Variants in PAPLN observed in about 807,000 individuals in gnomAD.
PAPLN encodes the protein papilin, proteoglycan like sulfated glycoprotein, also known as papilin.
PAPLN carries 146 observed loss-of-function variants against 159.0 expected under a neutral mutation model. That is an observed-to-expected ratio of 0.92 (90% CI 0.80 to 1.05). The LOEUF (loss-of-function observed/expected upper bound fraction) is 1.05, where lower values mean the gene tolerates loss of function less well. Among genes scored for constraint, PAPLN ranks in the 50% least tolerant of loss-of-function variants. The probability of loss-of-function intolerance (pLI) is 0.00; values close to 1 mark genes in which losing one functional copy is unlikely to be tolerated. For missense variants in PAPLN, 1,720 were observed against 1,743.9 expected (o/e 0.99, Z 0.24); for synonymous variants, 734 against 702.9 (o/e 1.04, Z -0.70).
chr14:73,267,974 G>A (rs1482855048), intron 25 of PAPLN, among the ~76,000 whole-genome samples: 5 of 152,084 alleles, frequency 3.3e-5, no homozygotes, highest in East Asian at 1.9e-4. Context: ...CAGTGGGGCC[G>A]CATGTCAGCC....
intron 19 of PAPLN, chr14:73,263,339 C>T (rs1234665711): frequency 2.0e-6 from 1 of 509,670 alleles, no homozygotes; most frequent in Non-Finnish European, 3.5e-6. Flanking sequence ...AGTTTAGCCC[C>T]CACATGAACC....
intron 5 of PAPLN, chr14:73,246,812 A>T (rs1230996589): frequency 6.6e-6 from 1 of 151,812 alleles, no homozygotes; most frequent in Non-Finnish European, 1.5e-5. Flanking sequence ...CATACCAGCT[A>T]AGGGGGCAGG....
chr14:73,261,435 G>A (rs1886576795), intron 18 of PAPLN, 141 bp downstream of exon 18: 2 of 1,264,300 alleles, frequency 1.6e-6, no homozygotes, highest in Admixed American at 5.1e-5. Flanking sequence ...TGCCTGCTAG[G>A]TGCCAGGCCA....
rs150931921 is a variant in PAPLN, at chr14:73,268,613, C to A, written c.3557C>A (p.Thr1186Lys). The A allele has an allele frequency of 1.9e-6, 3 of 1,613,846 alleles. No homozygotes were observed. The highest frequency in any genetic ancestry group is 1.7e-6 in the Non-Finnish European group (2 of 1,179,952). The part of the protein sequence containing the change: ...GHRVHQSPDG[T>K]LLIYNLRARD... Reference sequence around the variant, plus strand: ...CGTGTCCACCAGTCCCCAGATGGCACGCTGCTCATTTACAACTTGCGGGCC... The same window carrying A: ...CGTGTCCACCAGTCCCCAGATGGCAAGCTGCTCATTTACAACTTGCGGGCC... Residue 1186 changes from threonine (T) to lysine (K), a missense_variant, in exon 26 of 27, where the codon ACG becomes AAG. Physicochemically the swap from Thr to Lys is moderately conservative, Grantham distance 78. Transcript: ENST00000644200.
chr14:73,244,758 A>G lies in PAPLN; in HGVS notation c.169A>G (p.Arg57Gly). 1.3e-6 allele frequency: 2 copies of G among 1,538,716 alleles called. No homozygotes were observed. The highest frequency in any genetic ancestry group is 2.4e-5 in the East Asian group (1 of 41,494). ...SFRERPCYSQ[R>G]RDGGSSCVGP... The stretch of plus-strand genomic sequence containing the variant: ...CCGGGAGCGCCCCTGCTACTCCCAG[A>G]GGTAGGAGAGATGAAAATGGGCCAG... The change falls in exon 3 of 27, where the codon AGG (arginine) becomes GGG (glycine). Residue 57 changes from arginine (R) to glycine (G), a missense_variant and splice_region_variant. Arg to Gly is a moderately radical substitution (Grantham distance 125, BLOSUM62 -2). Transcript: ENST00000644200.
intron 9 of PAPLN, 67 bp from the exon 10 acceptor site, chr14:73,251,951 G>A (rs1885318880): frequency 1.3e-6 from 2 of 1,557,226 alleles, no homozygotes; most frequent in East Asian, 4.5e-5. Context: ...GCAGGGGGCT[G>A]TGAGGCTGCG....
In PAPLN at chr14:73,259,077, T is replaced by TC. The variant is rs948295256; in HGVS notation, c.1708+23dup. 27 of 1,600,956 alleles carry TC rather than the reference T, an allele frequency of 1.7e-5. No homozygotes were observed. Among genetic ancestry groups the TC allele is most frequent in the African/African-American group, 9.4e-5 (7 of 74,410 alleles). On this transcript the variant is annotated intron_variant, in intron 15 of 26. Transcript: ENST00000644200. ...TGCCTCAGGTGAGAGCCTGGTCCCG[T>TC]CCCCCACTCAGAGCCCTGTAGTTTT...
rs202232672 is a variant in PAPLN at position 73,268,733 on chromosome 14, G to A, written c.3667+10G>A. On this transcript the variant is annotated intron_variant, in intron 26 of 26. Transcript: ENST00000644200. ...AAGGTGGTCTCACCAGGTAGGAAAG[G>A]TCTATATCCGGGGATGGGAAGGACA... 6.3e-7 allele frequency: 1 copy of A among 1,597,386 alleles called. No homozygotes were observed. Among genetic ancestry groups the A allele is most frequent in the Admixed American group, 1.7e-5 (1 of 58,422 alleles).
Position 73,254,376 on chromosome 14 carries a change from C to T in PAPLN, c.1303-137C>T, listed in dbSNP as rs945953666. Reference sequence around the variant, plus strand: ...GTGTGACCTCAGGGGAGTGAGTCAGCCTCTCTGGGCCTGGGAAGGACATGG... The same window carrying T: ...GTGTGACCTCAGGGGAGTGAGTCAGTCTCTCTGGGCCTGGGAAGGACATGG... On this transcript the variant is annotated intron_variant, in intron 12 of 26. Coordinates refer to ENST00000644200, the MANE Select transcript of PAPLN (RefSeq NM_001365906.3). 76 of 1,062,170 alleles carry T rather than the reference C, an allele frequency of 7.2e-5. No individual in the cohort carries two copies. The Middle Eastern group carries it at 1.8e-3, about 26-fold the overall frequency. The allele number at this position is 1,062,170 out of a possible 1,614,324, so 65.8% of individuals were successfully genotyped here.
Position 73,250,980 on chromosome 14 carries a change from C to T in PAPLN, c.539C>T (p.Thr180Met), listed in dbSNP as rs370335884. 79 of 1,613,502 alleles carry T rather than the reference C, an allele frequency of 4.9e-5. 1 individual carries two copies. The highest frequency in any genetic ancestry group is 4.1e-4 in the African/African-American group (31 of 74,932). Residue 180 changes from threonine to methionine, a missense_variant, in exon 7 of 27, where the codon ACG (threonine) becomes ATG (methionine). Transcript: ENST00000644200. ...TGTCTGCGGTGTGGGGGTGACGGCACGACCTGCTACCCCGTCGCAGGCACC... is the reference window on the plus strand; with the variant it reads ...TGTCTGCGGTGTGGGGGTGACGGCATGACCTGCTACCCCGTCGCAGGCACC... ...DKCLRCGGDG[T>M]TCYPVAGTFD...
intron 5 of PAPLN, among the ~76,000 whole-genome samples, chr14:73,247,522 G>GT (rs758574402): frequency 1.3e-5 from 2 of 150,330 alleles, no homozygotes; most frequent in African/African-American, 4.9e-5. Flanking sequence ...TCCTGTGTAT[G>GT]TGTGTGTGTG....
chr14:73,264,573 C>G lies in PAPLN; in HGVS notation c.2987-15C>G. 3 of 1,593,618 alleles carry G rather than the reference C, an allele frequency of 1.9e-6. No homozygotes were observed. The highest frequency in any genetic ancestry group is 2.6e-6 in the Non-Finnish European group (3 of 1,173,690). Reference sequence around the variant, plus strand: ...CCTCACAGCTCACACCTTGTTTCTCCTGGCCTCATGACAGGGGGTGACATG... The same window carrying G: ...CCTCACAGCTCACACCTTGTTTCTCGTGGCCTCATGACAGGGGGTGACATG... On this transcript the variant is annotated splice_polypyrimidine_tract_variant and intron_variant, in intron 21 of 26. Transcript: ENST00000644200.
chr14:73,259,027 T>G lies in PAPLN; in HGVS notation c.1676T>G (p.Met559Arg), dbSNP rs762152589. 2.6e-5 allele frequency: 42 copies of G among 1,611,942 alleles called. No individual in the cohort carries two copies. Among genetic ancestry groups the G allele is most frequent in the Non-Finnish European group, 3.4e-5 (40 of 1,179,198 alleles). ...CACACCCCTGCCAGCAACCCCTGGA[T>G]GCCGTTGGGCCCTCAGGAGTCCCCT... ...DVHTPASNPWMPLGPQESPAS... is the reference protein window; with the variant it reads ...DVHTPASNPWRPLGPQESPAS... The change falls in exon 15 of 27, where the codon ATG (methionine) becomes AGG (arginine). Residue 559 changes from methionine (M) to arginine (R), a missense_variant. Met to Arg is a moderately conservative substitution (Grantham distance 91, BLOSUM62 -1). Transcript: ENST00000644200.
At position 73,250,998 on chromosome 14, in the gene PAPLN, C is replaced by T. The variant is rs776818299; in HGVS notation, c.557C>T (p.Ala186Val). Residue 186 changes from alanine to valine, a missense_variant, in exon 7 of 27, where the codon GCA becomes GTA. Physicochemically the swap from Ala to Val is moderately conservative, Grantham distance 64. Transcript: ENST00000644200. ...GACGGCACGACCTGCTACCCCGTCG[C>T]AGGCACCTTTGACGCTAATGACCTC... is the stretch of plus-strand genomic sequence containing the variant. The part of the protein sequence containing the change: ...GGDGTTCYPV[A>V]GTFDANDLSR... 1 of 1,613,536 alleles carries T rather than the reference C, an allele frequency of 6.2e-7. No individual in the cohort carries two copies. Among genetic ancestry groups the T allele is most frequent in the South Asian group, 1.1e-5 (1 of 91,056 alleles).
intron 14 of PAPLN, among the ~76,000 whole-genome samples, chr14:73,255,567 C>T (rs1885812202): frequency 6.6e-6 from 1 of 151,908 alleles, no homozygotes; most frequent in South Asian, 2.1e-4. Context: ...AGGAGCCTCA[C>T]AAGCATGAGG....
rs1883328893 is a variant in PAPLN, at chr14:73,239,755, C to A, written c.-6-18C>A. On this transcript the variant is annotated intron_variant, in intron 1 of 26. Coordinates refer to ENST00000644200, the MANE Select transcript of PAPLN (RefSeq NM_001365906.3). Reference sequence around the variant, plus strand: ...TGCGGGAGCCCCGGGCCGCTCTAACCCAATGCGTCTCCCGCAGGCTGAGAT... The same window carrying A: ...TGCGGGAGCCCCGGGCCGCTCTAACACAATGCGTCTCCCGCAGGCTGAGAT... 2 of 1,579,754 alleles carry A rather than the reference C, an allele frequency of 1.3e-6. No homozygotes were observed. Among genetic ancestry groups the A allele is most frequent in the Non-Finnish European group, 1.7e-6 (2 of 1,169,764 alleles).
rs777386780 is a variant in PAPLN, at chr14:73,253,845, G to A, written c.1186G>A (p.Gly396Ser). 8.7e-6 allele frequency: 14 copies of A among 1,613,560 alleles called. No individual in the cohort carries two copies. The highest frequency in any genetic ancestry group is 4.4e-5 in the South Asian group (4 of 91,068). Residue 396 changes from glycine (G) to serine (S), a missense_variant, in exon 12 of 27, where the codon GGC becomes AGC. Transcript: ENST00000644200. ...GTACTGCATCTCGTCTGACGGGGCC[G>A]GCATCCAGGAGGCCGTGGAGGAGGC... Reference protein sequence around the residue: ...SVYCISSDGAGIQEAVEEAEC... With the variant: ...SVYCISSDGASIQEAVEEAEC...
intron 20 of PAPLN, chr14:73,263,986 CA>C (rs760166999): frequency 5.9e-6 from 8 of 1,365,212 alleles, no homozygotes; most frequent in East Asian, 3.1e-5. Context: ...GTGTGTGTGA[CA>C]GCCCCCCGAC....
chr14:73,259,099 T>G (rs1886260254), intron 15 of PAPLN, 40 bp downstream of exon 15: 12 of 1,575,616 alleles, frequency 7.6e-6, no homozygotes, highest in Non-Finnish European at 9.5e-6. Flanking sequence ...AGCCCTGTAG[T>G]TTTTGTGTCT....
Sources: allele counts gnomAD v4.1 joint callset (sites outside exome capture counted in the v4.1 genomes callset), GRCh38; gene constraint gnomAD v4.1.1; transcripts MANE v1.5; gene names NCBI Gene and HGNC (gene_info 2026-07-23, HGNC 2026-07-21).